Variants in GTF2E2 observed in about 807,000 individuals in gnomAD.
The protein encoded by GTF2E2 is general transcription factor IIE subunit 2.
In GTF2E2, 21 loss-of-function variants were observed where a neutral mutation model predicts 40.5. The ratio of observed to expected loss-of-function variants is 0.52; its 90% confidence interval spans 0.37 to 0.75. The LOEUF is 0.75. Ranked by LOEUF, GTF2E2 falls within the 30% of genes least tolerant of loss-of-function variation. The pLI is 0.00. For synonymous variants in GTF2E2, 117 were observed against 121.6 expected (o/e 0.96, Z 0.25); for missense variants, 298 against 338.4 (o/e 0.88, Z 0.94).
chr8:30,616,169 C>G (rs1053550926), intron 3 of GTF2E2, among the ~76,000 whole-genome samples: 1 of 152,136 alleles, frequency 6.6e-6, no homozygotes, highest in Non-Finnish European at 1.5e-5. Context: ...AGGCCAGATG[C>G]AGTGGTTCAC....
chr8:30,607,921 T>C (rs369374608), intron 5 of GTF2E2, among the ~76,000 whole-genome samples: 6 of 152,188 alleles, frequency 3.9e-5, no homozygotes, highest in Admixed American at 1.3e-4. Context: ...TGTGATGCAA[T>C]AGTGAAATAC....
At chr8:30,626,446 T>C (rs757476436) in intron 3 of GTF2E2, among the ~76,000 whole-genome samples, 1 of 152,122 alleles carries the variant, frequency 6.6e-6, no homozygotes, top group Non-Finnish European at 1.5e-5. Context: ...GATCACGCCA[T>C]TGCACTCCAT....
chr8:30,579,661 G>A lies in GTF2E2; in HGVS notation c.759+620C>T, dbSNP rs1455365897. Among the ~76,000 whole-genome samples the A allele has an allele frequency of 3.9e-5, 6 of 152,170 alleles. No homozygotes were observed. The East Asian group carries it at 7.7e-4, about 20-fold the overall frequency. On this transcript the variant is annotated intron_variant, in intron 7 of 7. Transcript: ENST00000355904. ...CAGGTGACAAGCTATGAAGCATGAC[G>A]GTGGATAAGGAAAGGGGGGAGGAGC... is the stretch of plus-strand genomic sequence containing the variant.
intron 6 of GTF2E2, among the ~76,000 whole-genome samples, chr8:30,595,549 G>T (rs57613152): frequency 6.6e-6 from 1 of 152,096 alleles, no homozygotes. Context: ...GATTATTTTT[G>T]CCGGATGCAG....
chr8:30,618,592 A>G (rs1302776076), intron 3 of GTF2E2, among the ~76,000 whole-genome samples: 1 of 152,142 alleles, frequency 6.6e-6, no homozygotes, highest in Admixed American at 6.5e-5. Context: ...AAAGGTAGAC[A>G]TTGTACAATG....
At chr8:30,629,231 T>C (rs1444334764) in intron 3 of GTF2E2, among the ~76,000 whole-genome samples, 3 of 152,194 alleles carry the variant, frequency 2.0e-5, no homozygotes, top group African/African-American at 7.2e-5. Flanking sequence ...TAGATCCATA[T>C]TCTTGACCCA....
rs571114880 is a variant in GTF2E2 at position 30,593,915 on chromosome 8, CTATATT to C, written c.643+13136_643+13141del. 2.0e-3 allele frequency among the ~76,000 whole-genome samples: 309 copies of C among 152,086 alleles called. 2 individuals are homozygous for C. Among genetic ancestry groups the C allele is most frequent in the African/African-American group, 7.2e-3 (298 of 41,494 alleles). Reference sequence around the variant, plus strand: ...TTACATGCTTTTACTTTTAACCTGTCTATATTTATTTTTTATTTTTTTATCTTTCTT... The same window carrying C: ...TTACATGCTTTTACTTTTAACCTGTCTATTTTTTATTTTTTTATCTTTCTT... On this transcript the variant is annotated intron_variant, in intron 6 of 7. Transcript: ENST00000355904.
chr8:30,586,730 C>A (rs534094011), intron 6 of GTF2E2, among the ~76,000 whole-genome samples: 68 of 152,256 alleles, frequency 4.5e-4, no homozygotes, highest in African/African-American at 1.6e-3. Flanking sequence ...TGATCTTTGA[C>A]AAAGGTGCCA....
chr8:30,582,307 G>A (rs576630096), intron 6 of GTF2E2, among the ~76,000 whole-genome samples: 21 of 152,258 alleles, frequency 1.4e-4, no homozygotes, highest in Admixed American at 8.5e-4. Flanking sequence ...TACAGGTGTC[G>A]AGCCACCATG....
At chr8:30,580,596 A>G (rs1023080487) in intron 6 of GTF2E2, among the ~76,000 whole-genome samples, 200 bp from the exon 7 acceptor site, 2 of 152,174 alleles carry the variant, frequency 1.3e-5, no homozygotes, top group African/African-American at 2.4e-5. Context: ...GCACCCACAC[A>G]GCCCCGACAG....
chr8:30,586,262 A>G (rs1042047656), intron 6 of GTF2E2, among the ~76,000 whole-genome samples: 2 of 152,200 alleles, frequency 1.3e-5, no homozygotes, highest in Non-Finnish European at 2.9e-5. Flanking sequence ...TAGTGATCTT[A>G]CATTTGAGAC....
At chr8:30,596,150 T>G (rs1828999702) in intron 6 of GTF2E2, among the ~76,000 whole-genome samples, 1 of 152,246 alleles carries the variant, frequency 6.6e-6, no homozygotes, top group African/African-American at 2.4e-5. Flanking sequence ...GATGATCTAT[T>G]GGTGTTCTCT....
At chr8:30,620,235 C>A (rs145699327) in intron 3 of GTF2E2, among the ~76,000 whole-genome samples, 1 of 29,630 alleles carries the variant, frequency 3.4e-5, no homozygotes, top group Non-Finnish European at 8.9e-5. Flanking sequence ...TATACACACA[C>A]ACAAACACAC....
chr8:30,610,311 T>TGG (rs1381355588), intron 5 of GTF2E2, among the ~76,000 whole-genome samples: 1 of 151,562 alleles, frequency 6.6e-6, no homozygotes, highest in African/African-American at 2.4e-5. Context: ...TTGGGTGTGG[T>TGG]GGTGTGTGCC....
At chr8:30,623,225 G>C (rs1339974885) in intron 3 of GTF2E2, among the ~76,000 whole-genome samples, 1 of 152,010 alleles carries the variant, frequency 6.6e-6, no homozygotes, top group African/African-American at 2.4e-5. Context: ...CCTCCATTTG[G>C]GGTCCCTGAC....
intron 6 of GTF2E2, among the ~76,000 whole-genome samples, chr8:30,593,022 C>T (rs575433030): frequency 5.3e-5 from 8 of 152,158 alleles, no homozygotes; most frequent in Admixed American, 3.9e-4. Context: ...CCTGAAACCC[C>T]GTCTCTACTA....
chr8:30,592,069 T>C (rs985194908), intron 6 of GTF2E2, among the ~76,000 whole-genome samples: 13 of 152,144 alleles, frequency 8.5e-5, no homozygotes, highest in African/African-American at 2.7e-4. Flanking sequence ...CCTTGAACCA[T>C]AGGTTACTTA....
At chr8:30,621,466 T>C (rs1030589000) in intron 3 of GTF2E2, among the ~76,000 whole-genome samples, 6 of 152,040 alleles carry the variant, frequency 3.9e-5, no homozygotes, top group African/African-American at 1.5e-4. Flanking sequence ...AATCCCTTCC[T>C]CATAGATCAG....
intron 6 of GTF2E2, among the ~76,000 whole-genome samples, chr8:30,592,514 A>G (rs1828878125): frequency 6.6e-6 from 1 of 152,086 alleles, no homozygotes; most frequent in Non-Finnish European, 1.5e-5. Flanking sequence ...TCCATGGGGG[A>G]TTGGTTCCAG....
Sources: gnomAD v4.1 joint callset for allele counts (sites outside exome capture counted in the v4.1 genomes callset) on GRCh38, gnomAD v4.1.1 for gene constraint, MANE v1.5 for transcripts, NCBI Gene and HGNC (gene_info 2026-07-23, HGNC 2026-07-21) for gene names.